The following COPG2 variants were observed in gnomAD, a reference collection of about 807,000 sequenced individuals.
COPG2 encodes the protein coat protein complex I subunit gamma 2.
COPG2 carries 37 observed loss-of-function variants against 46.3 expected under a neutral mutation model. The ratio of observed to expected loss-of-function variants is 0.80; its 90% CI spans 0.61 to 1.05. COPG2 has a LOEUF of 1.05. Among genes scored for constraint, COPG2 ranks in the 50% least tolerant of loss-of-function variants. COPG2 has a pLI of 0.00. For synonymous variants in COPG2, 159 were observed against 129.7 expected, an observed-to-expected ratio of 1.23 and a Z score of -1.53; for missense variants, 427 against 387.8, an observed-to-expected ratio of 1.10 and a Z score of -0.85.
At chr7:130,518,535 A>G (rs1799698097) in intron 20 of COPG2, among the ~76,000 whole-genome samples, 1 of 152,162 alleles carries the variant, frequency 6.6e-6, no homozygotes, top group South Asian at 2.1e-4. Flanking sequence ...GAGAAGAATG[A>G]TGTATCCATC....
chr7:130,531,401 A>G (rs1799823673), intron 20 of COPG2, among the ~76,000 whole-genome samples: 1 of 152,062 alleles, frequency 6.6e-6, no homozygotes, highest in Admixed American at 6.6e-5. Context: ...GATTATGTGG[A>G]TCAAAAGGGA....
rs1796110264 is a variant in COPG2 at position 130,667,479 on chromosome 7, T to C, written c.90+3A>G. 6.2e-7 allele frequency: 1 copy of C among 1,612,686 alleles called. No homozygotes were observed. Among genetic ancestry groups the C allele is most frequent in the East Asian group, 2.2e-5 (1 of 44,868 alleles). On this transcript the variant is annotated splice_donor_region_variant and intron_variant, in intron 2 of 23. Transcript: ENST00000425248. ...AAGGGCACAAGATACTTCCCAGTCATACCTCCTGTAAAACAGCACTCTTCT... is the reference window on the plus strand; with the variant it reads ...AAGGGCACAAGATACTTCCCAGTCACACCTCCTGTAAAACAGCACTCTTCT...
At chr7:130,563,152 A>G in intron 11 of COPG2, 117 bp downstream of exon 11, 1 of 384,156 alleles carries the variant, frequency 2.6e-6, no homozygotes, top group Non-Finnish European at 4.6e-6. Context: ...GAAGTGTTGT[A>G]GAGGTGAAGC....
At chr7:130,543,335 T>G (rs895441584) in intron 20 of COPG2, among the ~76,000 whole-genome samples, 19 of 152,304 alleles carry the variant, frequency 1.2e-4, no homozygotes, top group Admixed American at 2.0e-4. Context: ...GGGTGGGTAT[T>G]GTTGCCCCTT....
intron 5 of COPG2, among the ~76,000 whole-genome samples, chr7:130,643,493 G>T (rs1302647628): frequency 1.1e-4 from 16 of 152,062 alleles, no homozygotes; most frequent in Admixed American, 7.9e-4. Flanking sequence ...AGATAACTTT[G>T]TTTATATGGG....
At chr7:130,557,650 T>G (rs1486288077) in intron 12 of COPG2, among the ~76,000 whole-genome samples, 1 of 150,454 alleles carries the variant, frequency 6.6e-6, no homozygotes, top group African/African-American at 2.5e-5. Flanking sequence ...CCACTAAAGA[T>G]ATAAAAAATT....
intron 4 of COPG2, among the ~76,000 whole-genome samples, chr7:130,659,783 G>A (rs1795938322): frequency 6.6e-6 from 1 of 151,960 alleles, no homozygotes; most frequent in Non-Finnish European, 1.5e-5. Flanking sequence ...ATGGTGGCAC[G>A]TGCCCACAGT....
Position 130,578,507 on chromosome 7 carries a change from T to C in COPG2, c.738-14114A>G, listed in dbSNP as rs1794060390. Among the ~76,000 whole-genome samples, 7 of 151,826 alleles carry C rather than the reference T, an allele frequency of 4.6e-5. No homozygotes were observed. In the South Asian group the frequency reaches 1.5e-3, roughly 32 times the overall value. On this transcript the variant is annotated intron_variant, in intron 9 of 23. Coordinates refer to ENST00000425248, the MANE Select transcript of COPG2 (RefSeq NM_012133.6). ...AACAAAGCTGGATGGAGAATGACTT[T>C]GACGAGCTGAGAGAAGAAGGCTTCA...
chr7:130,609,341 C>A (rs936978129), intron 9 of COPG2, among the ~76,000 whole-genome samples: 3 of 152,160 alleles, frequency 2.0e-5, no homozygotes, highest in Non-Finnish European at 4.4e-5. Flanking sequence ...GACAGTAAGT[C>A]TCATGAGATC....
intron 12 of COPG2, among the ~76,000 whole-genome samples, chr7:130,556,284 A>G (rs1468316669): frequency 6.6e-6 from 1 of 152,156 alleles, no homozygotes; most frequent in Non-Finnish European, 1.5e-5. Context: ...TGGGGCTGCA[A>G]GGAAATCTTC....
intron 5 of COPG2, among the ~76,000 whole-genome samples, chr7:130,650,913 C>A (rs1201262888): frequency 1.3e-5 from 2 of 152,156 alleles, no homozygotes; most frequent in Admixed American, 1.3e-4. Context: ...ATGACTGAGC[C>A]AACACCAGCT....
At position 130,611,036 on chromosome 7, in the gene COPG2, A is replaced by G. The variant is rs782621165; in HGVS notation, c.654T>C (p.Phe218=). 33 of 1,613,820 alleles carry G rather than the reference A, an allele frequency of 2.0e-5. No individual in the cohort carries two copies. In the East Asian group the frequency reaches 5.8e-4, roughly 28 times the overall value. Residue 218 remains phenylalanine (F), a synonymous_variant, in exon 9 of 24, where the codon TTT becomes TTC. Coordinates refer to ENST00000425248, the MANE Select transcript of COPG2 (RefSeq NM_012133.6). ...RLAVSKMLNK[F]TKSGLKSQFA... is the part of the protein sequence containing the mutation. ...ACTGTGACTTGAGACCAGATTTAGT[A>G]AACTTATTCAACATCTTGGAAACAG...
In COPG2 at chr7:130,586,018, CAT is replaced by C. The variant is rs547843105; in HGVS notation, c.738-21627_738-21626del. Among the ~76,000 whole-genome samples, 216 of 152,174 alleles carry C rather than the reference CAT, an allele frequency of 1.4e-3. 1 individual carries two copies. The highest frequency in any genetic ancestry group is 6.8e-3 in the Middle Eastern group (2 of 294). The stretch of plus-strand genomic sequence containing the variant: ...TTATATAAAAAAGATACTTCACACA[CAT>C]GTTTATAGCAGTACAATTTGCAACT... On this transcript the variant is annotated intron_variant, in intron 9 of 23. Transcript: ENST00000425248.
chr7:130,622,707 C>A (rs1554453761), intron 5 of COPG2, among the ~76,000 whole-genome samples: 1 of 152,202 alleles, frequency 6.6e-6, no homozygotes, highest in Non-Finnish European at 1.5e-5. Flanking sequence ...ACATTTCCTT[C>A]CCCACTGGCC....
Position 130,645,702 on chromosome 7 carries a change from G to A in COPG2, c.323+7167C>T, listed in dbSNP as rs935073772. 26 of 152,936 alleles carry A rather than the reference G, an allele frequency of 1.7e-4. 1 individual carries two copies. Among genetic ancestry groups the A allele is most frequent in the Non-Finnish European group, 3.0e-4 (21 of 69,108 alleles). 9.5% of individuals were successfully genotyped at this position (152,936 alleles called of 1,614,324 possible). On this transcript the variant is annotated intron_variant, in intron 5 of 23. Transcript: ENST00000425248. Reference sequence around the variant, plus strand: ...TAAGAACTCTAAGGTGGATGCCTACGGACACTCTTGCAAAATTGCCCTTGT... The same window carrying A: ...TAAGAACTCTAAGGTGGATGCCTACAGACACTCTTGCAAAATTGCCCTTGT...
intron 9 of COPG2, among the ~76,000 whole-genome samples, chr7:130,603,344 C>A (rs1313001929): frequency 6.6e-6 from 1 of 152,094 alleles, no homozygotes; most frequent in Non-Finnish European, 1.5e-5. Context: ...TGTTCATTTC[C>A]ATTATTGTAT....
At chr7:130,623,385 T>C (rs566663783) in intron 5 of COPG2, among the ~76,000 whole-genome samples, 1 of 152,296 alleles carries the variant, frequency 6.6e-6, no homozygotes, top group South Asian at 2.1e-4. Context: ...GGTGACCACA[T>C]TATAGAGTCA....
At chr7:130,542,538 G>A (rs892544936) in intron 20 of COPG2, among the ~76,000 whole-genome samples, 45 of 152,172 alleles carry the variant, frequency 3.0e-4, no homozygotes, top group African/African-American at 9.2e-4. Context: ...GAAGGGGTCA[G>A]AGTTCAGGAC....
chr7:130,606,166 T>C (rs1229306283), intron 9 of COPG2, among the ~76,000 whole-genome samples: 1 of 151,256 alleles, frequency 6.6e-6, no homozygotes, highest in Non-Finnish European at 1.5e-5. Context: ...GCGGAGGTTG[T>C]AGTGAGCTGA....
Sources: gnomAD v4.1 joint callset for allele counts (sites outside exome capture counted in the v4.1 genomes callset) on GRCh38, gnomAD v4.1.1 for gene constraint, MANE v1.5 for transcripts, NCBI Gene and HGNC (gene_info 2026-07-23, HGNC 2026-07-21) for gene names.